The following CRYZ variants were observed in gnomAD, a reference collection of about 807,000 sequenced individuals.
The protein encoded by CRYZ is crystallin zeta, also known as zeta-crystallin.
A neutral mutation model predicts 34.1 loss-of-function variants in CRYZ; 35 were observed. The ratio of observed to expected loss-of-function variants is 1.03; its 90% CI spans 0.78 to 1.36. The LOEUF is 1.36. Ranked by LOEUF, CRYZ falls within the 40% of genes most tolerant of loss-of-function variation. CRYZ has a pLI of 0.00. For synonymous variants in CRYZ, 137 were observed against 136.5 expected, an observed-to-expected ratio of 1.00 and a Z score of -0.03; for missense variants, 403 against 391.8, an observed-to-expected ratio of 1.03 and a Z score of -0.24.
intron 4 of CRYZ, among the ~76,000 whole-genome samples, chr1:74,717,059 C>T (rs1557727111): frequency 6.6e-6 from 1 of 152,124 alleles, no homozygotes. Context: ...ACTCCATCTC[C>T]CTATCCATAA....
chr1:74,715,855 C>G (rs922285896), intron 4 of CRYZ, among the ~76,000 whole-genome samples: 3 of 151,428 alleles, frequency 2.0e-5, no homozygotes, highest in African/African-American at 7.3e-5. Flanking sequence ...GTCAACTTGA[C>G]TGGGCCAAGG....
chr1:74,724,546 C>A (rs1397924248), intron 2 of CRYZ, among the ~76,000 whole-genome samples, 165 bp downstream of exon 2: 1 of 152,144 alleles, frequency 6.6e-6, no homozygotes, highest in Non-Finnish European at 1.5e-5. Flanking sequence ...CACTAATTAT[C>A]AGGTTTATGT....
intron 1 of CRYZ, among the ~76,000 whole-genome samples, chr1:74,729,898 G>C (rs1647612787): frequency 6.6e-6 from 1 of 152,006 alleles, no homozygotes; most frequent in South Asian, 2.1e-4. Context: ...TAAACTCAGA[G>C]AACACAAAGA....
At position 74,707,072 on chromosome 1, in the gene CRYZ, TAAAAAA is replaced by T. The variant is rs10601033; in HGVS notation, c.732+25_732+30del. ...AAATTGTGGTAAAACATTAAAGTGG[TAAAAAA>T]AAAAAAAAGAAAAGGAATACTTACT... On this transcript the variant is annotated intron_variant, in intron 7 of 8. Coordinates refer to ENST00000340866, the MANE Select transcript of CRYZ (RefSeq NM_001889.4). The T allele has an allele frequency of 5.9e-4, 814 of 1,389,718 alleles. 4 individuals are homozygous for T. The African/African-American group carries it at 0.011, about 19-fold the overall frequency. The allele number at this position is 1,389,718 out of a possible 1,614,324, so 86.1% of individuals were successfully genotyped here.
intron 1 of CRYZ, among the ~76,000 whole-genome samples, chr1:74,726,212 C>T (rs1015619349): frequency 6.6e-6 from 1 of 152,226 alleles, no homozygotes; most frequent in African/African-American, 2.4e-5. Context: ...CATTTCCCTT[C>T]TGCACTGCCC....
chr1:74,709,397 G>A (rs1646971554), intron 6 of CRYZ, among the ~76,000 whole-genome samples: 1 of 152,008 alleles, frequency 6.6e-6, no homozygotes, highest in African/African-American at 2.4e-5. Context: ...TCGGCTTTTT[G>A]GCAAGATGAT....
chr1:74,709,702 C>A (rs1427480596), intron 6 of CRYZ, among the ~76,000 whole-genome samples: 2 of 152,128 alleles, frequency 1.3e-5, no homozygotes. Context: ...ATTCCCTGGG[C>A]CACACAGATC....
intron 6 of CRYZ, chr1:74,708,632 A>C (rs953828738): frequency 6.6e-6 from 1 of 152,180 alleles, no homozygotes; most frequent in African/African-American, 2.4e-5. Flanking sequence ...TGATAATTAA[A>C]AGACAGGAAA....
chr1:74,728,991 C>T (rs927286179), intron 1 of CRYZ, among the ~76,000 whole-genome samples: 1 of 152,156 alleles, frequency 6.6e-6, no homozygotes, highest in African/African-American at 2.4e-5. Flanking sequence ...AATCTCACCA[C>T]TCTACTTCCA....
intron 2 of CRYZ, among the ~76,000 whole-genome samples, chr1:74,723,690 C>T (rs1647207801): frequency 6.6e-6 from 1 of 152,200 alleles, no homozygotes; most frequent in South Asian, 2.1e-4. Context: ...CCCATTAAAA[C>T]TTCCCAGCCA....
Position 74,719,273 on chromosome 1 carries a change from C to T in CRYZ, c.364G>A (p.Asp122Asn). 6.2e-7 allele frequency: 1 copy of T among 1,613,806 alleles called. No homozygotes were observed. Among genetic ancestry groups the T allele is most frequent in the African/African-American group, 1.3e-5 (1 of 75,018 alleles). ...CCGATGGCAGCTCCTTGTTTAAAGTCCAGTTTTTCAGGTAGTTTGTAAACA... is the reference window on the plus strand; with the variant it reads ...CCGATGGCAGCTCCTTGTTTAAAGTTCAGTTTTTCAGGTAGTTTGTAAACA... ...HTVYKLPEKL[D>N]FKQGAAIGIP... is the part of the protein sequence containing the mutation. The change falls in exon 4 of 9, where the codon GAC (aspartate) becomes AAC (asparagine). Residue 122 changes from aspartate (D) to asparagine (N), a missense_variant. Asp to Asn is a conservative substitution (Grantham distance 23). Coordinates refer to ENST00000340866, the MANE Select transcript of CRYZ (RefSeq NM_001889.4).
At chr1:74,707,339 A>C (rs138214422) in intron 6 of CRYZ, 135 bp from the exon 7 acceptor site, 139 of 572,338 alleles carry the variant, frequency 2.4e-4, no homozygotes, top group African/African-American at 2.3e-3. Flanking sequence ...AATAATGCAA[A>C]ATTTTAAATA....
intron 5 of CRYZ, among the ~76,000 whole-genome samples, chr1:74,711,481 T>A (rs1647002531): frequency 1.3e-5 from 2 of 152,160 alleles, no homozygotes; most frequent in Non-Finnish European, 1.5e-5. Flanking sequence ...CCTCACAGAT[T>A]GAATGCGGGA....
chr1:74,727,693 A>G (rs1363987864), intron 1 of CRYZ, among the ~76,000 whole-genome samples: 1 of 150,098 alleles, frequency 6.7e-6, no homozygotes, highest in Non-Finnish European at 1.5e-5. Flanking sequence ...GAGACTTACT[A>G]TCATGGGAAT....
intron 4 of CRYZ, among the ~76,000 whole-genome samples, 176 bp from the exon 5 acceptor site, chr1:74,714,806 T>A (rs781190292): frequency 3.9e-5 from 6 of 152,156 alleles, no homozygotes; most frequent in Non-Finnish European, 5.9e-5. Flanking sequence ...AAACAAAGCC[T>A]TCAATTCATT....
Position 74,707,216 on chromosome 1 carries a change from AAG to A in CRYZ, c.631-14_631-13del, listed in dbSNP as rs1646942929. ...TCACCAACATACTTCTATATAATAA[AAG>A]AGAAATGTAGAGTAAGATAGCAAGT... On this transcript the variant is annotated splice_polypyrimidine_tract_variant and intron_variant, in intron 6 of 8. Coordinates refer to ENST00000340866, the MANE Select transcript of CRYZ (RefSeq NM_001889.4). 1.4e-6 allele frequency: 2 copies of A among 1,399,250 alleles called. No homozygotes were observed. The allele number at this position is 1,399,250 out of a possible 1,614,324, so 86.7% of individuals were successfully genotyped here. A position where few individuals can be genotyped will look rare whatever the true frequency, so the allele number is the denominator to read the frequency against.
chr1:74,706,143 A>G lies in CRYZ; in HGVS notation c.*153T>C. ...TATTGCTAGCTATACAATAAATTTT[A>G]CTCTTCTGCTTCTGCTCTCTAAAGA... On this transcript the variant is annotated 3_prime_UTR_variant, in exon 9 of 9. Coordinates refer to ENST00000340866, the MANE Select transcript of CRYZ (RefSeq NM_001889.4). The G allele has an allele frequency of 1.8e-6, 1 of 570,486 alleles. No homozygotes were observed. Among genetic ancestry groups the G allele is most frequent in the Non-Finnish European group, 2.9e-6 (1 of 340,408 alleles). The allele number at this position is 570,486 out of a possible 1,614,324, so 35.3% of individuals were successfully genotyped here.
chr1:74,726,488 T>C (rs1265765519), intron 1 of CRYZ, among the ~76,000 whole-genome samples: 2 of 152,192 alleles, frequency 1.3e-5, no homozygotes, highest in East Asian at 1.9e-4. Flanking sequence ...GCACACGGCA[T>C]GGAGGCCCTG....
Position 74,723,286 on chromosome 1 carries a change from A to AT in CRYZ, c.112-17dup. 1 of 1,604,312 alleles carries AT rather than the reference A, an allele frequency of 6.2e-7. No homozygotes were observed. The highest frequency in any genetic ancestry group is 1.1e-5 in the South Asian group (1 of 88,818). Reference sequence around the variant, plus strand: ...TGATTAGAACCTGCAATGACAATGTATTTTAGTTCACAGAAAGAATTTAGG... The same window carrying AT: ...TGATTAGAACCTGCAATGACAATGTATTTTTAGTTCACAGAAAGAATTTAGG... On this transcript the variant is annotated splice_polypyrimidine_tract_variant and intron_variant, in intron 2 of 8. Coordinates refer to ENST00000340866, the MANE Select transcript of CRYZ (RefSeq NM_001889.4).
Sources: gnomAD v4.1 joint callset for allele counts (sites outside exome capture counted in the v4.1 genomes callset) on GRCh38, gnomAD v4.1.1 for gene constraint, MANE v1.5 for transcripts, NCBI Gene and HGNC (gene_info 2026-07-23, HGNC 2026-07-21) for gene names.